MAGI3: variants seen among roughly 807,000 people sequenced by gnomAD.
The protein encoded by MAGI3 is membrane associated guanylate kinase, WW and PDZ domain containing 3, also known as membrane-associated guanylate kinase, WW and PDZ domain-containing protein 3.
In MAGI3, 43 loss-of-function variants were observed where a neutral mutation model predicts 121.8. The observed-to-expected ratio is 0.35, with a 90% CI of 0.28 to 0.46. The LOEUF (loss-of-function observed/expected upper bound fraction) is 0.46, where lower values mean the gene tolerates loss of function less well. MAGI3 is among the 20% of genes least tolerant of loss of function. MAGI3 has a pLI of 1.00. For synonymous variants in MAGI3, 553 were observed against 639.3 expected (o/e 0.86, Z 2.04); for missense variants, 1,547 against 1,797.3 (o/e 0.86, Z 2.52).
intron 1 of MAGI3, among the ~76,000 whole-genome samples, chr1:113,454,083 A>G (rs1166091684): frequency 2.6e-5 from 4 of 152,244 alleles, no homozygotes; most frequent in Non-Finnish European, 4.4e-5. Flanking sequence ...ATCTTCTATT[A>G]GGTTAACAGT....
chr1:113,401,466 T>C (rs1651398337), intron 1 of MAGI3, among the ~76,000 whole-genome samples: 1 of 152,166 alleles, frequency 6.6e-6, no homozygotes, highest in Non-Finnish European at 1.5e-5. Flanking sequence ...AGAAAGTTAG[T>C]ATTCTTGCTA....
chr1:113,515,885 G>A (rs1278541332), intron 1 of MAGI3, among the ~76,000 whole-genome samples: 1 of 152,066 alleles, frequency 6.6e-6, no homozygotes, highest in African/African-American at 2.4e-5. Context: ...TGTGCAGGTT[G>A]TTGAATTGTA....
rs373598839 is a variant in MAGI3, at chr1:113,683,001, G to C, written c.3433G>C (p.Val1145Leu). 1 of 1,613,798 alleles carries C rather than the reference G, an allele frequency of 6.2e-7. No individual in the cohort carries two copies. The highest frequency in any genetic ancestry group is 8.5e-7 in the Non-Finnish European group (1 of 1,179,836). Residue 1145 changes from valine (V) to leucine (L), a missense_variant, in exon 21 of 21, where the codon GTG (valine) becomes CTG (leucine). Physicochemically the swap from Val to Leu is conservative, Grantham distance 32. Coordinates refer to ENST00000307546, the MANE Select transcript of MAGI3 (RefSeq NM_001142782.2). Reference sequence around the variant, plus strand: ...TGCTTCCATATTTGAAGAGTCTCACGTGCCAGTAATTGAAGAATCTTTGAG... The same window carrying C: ...TGCTTCCATATTTGAAGAGTCTCACCTGCCAGTAATTGAAGAATCTTTGAG... ...HFASIFEESH[V>L]PVIEESLRVQ...
At chr1:113,436,043 CAT>C (rs35818543) in intron 1 of MAGI3, among the ~76,000 whole-genome samples, 23,133 of 151,928 alleles carry the variant, frequency 0.15, 2,780 homozygotes, top group East Asian at 0.63. Context: ...TGAATACAAA[CAT>C]GTGCATCTTA....
chr1:113,442,462 G>C lies in MAGI3; in HGVS notation c.316+51113G>C, dbSNP rs1249391381. 2.0e-5 allele frequency among the ~76,000 whole-genome samples: 3 copies of C among 151,972 alleles called. No individual in the cohort carries two copies. In the East Asian group the frequency reaches 5.8e-4, roughly 29 times the overall value. ...CTAGTCTACCATATGTGTTACTGAA[G>C]AATTGGTTTTATTGTGGATAAGTCA... On this transcript the variant is annotated intron_variant, in intron 1 of 20. Transcript: ENST00000307546.
At chr1:113,661,150 G>C (rs1016054635) in intron 16 of MAGI3, among the ~76,000 whole-genome samples, 1 of 152,072 alleles carries the variant, frequency 6.6e-6, no homozygotes, top group African/African-American at 2.4e-5. Context: ...ATCTATTTCA[G>C]TATCATCATC....
At chr1:113,472,568 CTCTT>C (rs1487977967) in intron 1 of MAGI3, among the ~76,000 whole-genome samples, 4 of 151,782 alleles carry the variant, frequency 2.6e-5, no homozygotes, top group African/African-American at 9.7e-5. Context: ...GTTTCCTCCT[CTCTT>C]TCTACCTTCC....
chr1:113,622,659 C>G lies in MAGI3; in HGVS notation c.1172-147C>G, dbSNP rs1650899325. On this transcript the variant is annotated intron_variant, in intron 8 of 20. Coordinates refer to ENST00000307546, the MANE Select transcript of MAGI3 (RefSeq NM_001142782.2). Reference sequence around the variant, plus strand: ...TATCATTTTGACTTCATATAATGGACTCTGGGTTGAAAGTAAGCACAGACA... The same window carrying G: ...TATCATTTTGACTTCATATAATGGAGTCTGGGTTGAAAGTAAGCACAGACA... 4.8e-6 allele frequency: 3 copies of G among 628,994 alleles called. No homozygotes were observed. The East Asian group carries it at 1.0e-4, about 21-fold the overall frequency. 39.0% of individuals were successfully genotyped at this position (628,994 alleles called of 1,614,324 possible).
At chr1:113,646,926 T>C (rs1396250868) in intron 12 of MAGI3, among the ~76,000 whole-genome samples, 1 of 152,048 alleles carries the variant, frequency 6.6e-6, no homozygotes. Context: ...TTATTAGAAC[T>C]AAATGGAAAA....
chr1:113,431,160 A>T, intron 1 of MAGI3, among the ~76,000 whole-genome samples: 1 of 152,122 alleles, frequency 6.6e-6, no homozygotes, highest in East Asian at 1.9e-4. Context: ...ACAAAAAAAT[A>T]AAAAAGCATT....
At chr1:113,540,861 T>A (rs956449520) in intron 1 of MAGI3, among the ~76,000 whole-genome samples, 1 of 152,232 alleles carries the variant, frequency 6.6e-6, no homozygotes, top group African/African-American at 2.4e-5. Flanking sequence ...TGATGGGTTT[T>A]AGTTATACAT....
rs78843847 is a variant in MAGI3, at chr1:113,532,522, C to T, written c.317-16993C>T. Among the ~76,000 whole-genome samples, 778 of 152,066 alleles carry T rather than the reference C, an allele frequency of 5.1e-3. 4 individuals are homozygous for T. The highest frequency in any genetic ancestry group is 0.018 in the African/African-American group (749 of 41,506). ...TTATCACTAACAGCTTTTTAATTGT[C>T]AGTTGTCTTATTTTTTAATGTCTCT... is the stretch of plus-strand genomic sequence containing the variant. On this transcript the variant is annotated intron_variant, in intron 1 of 20. Coordinates refer to ENST00000307546, the MANE Select transcript of MAGI3 (RefSeq NM_001142782.2).
chr1:113,558,586 G>A (rs1045619959), intron 2 of MAGI3, among the ~76,000 whole-genome samples: 3 of 151,810 alleles, frequency 2.0e-5, no homozygotes, highest in Non-Finnish European at 4.4e-5. Context: ...ACGACTGACT[G>A]GGGTACCTGA....
At chr1:113,610,076 C>G (rs542074580) in intron 6 of MAGI3, among the ~76,000 whole-genome samples, 61 of 152,174 alleles carry the variant, frequency 4.0e-4, no homozygotes, top group Non-Finnish European at 7.6e-4. Context: ...ATCTTATAGA[C>G]TCTTTTTAGC....
At chr1:113,440,270 G>A (rs1433840682) in intron 1 of MAGI3, among the ~76,000 whole-genome samples, 1 of 152,104 alleles carries the variant, frequency 6.6e-6, no homozygotes, top group Non-Finnish European at 1.5e-5. Flanking sequence ...TCTTATCATA[G>A]CTACAAGCAA....
intron 15 of MAGI3, among the ~76,000 whole-genome samples, chr1:113,656,707 G>A (rs535253560): frequency 6.6e-6 from 1 of 152,176 alleles, no homozygotes; most frequent in Admixed American, 6.5e-5. Flanking sequence ...ATGAGCCACC[G>A]TGCCCAGCCA....
intron 1 of MAGI3, among the ~76,000 whole-genome samples, chr1:113,448,066 G>A (rs765222594): frequency 2.6e-5 from 4 of 152,048 alleles, no homozygotes; most frequent in African/African-American, 4.8e-5. Context: ...TGTAAATAAT[G>A]GGCAAATAAT....
At chr1:113,403,583 A>C (rs1464811243) in intron 1 of MAGI3, 1 of 152,200 alleles carries the variant, frequency 6.6e-6, no homozygotes, top group Non-Finnish European at 1.5e-5. Context: ...AGCCAACTCC[A>C]TTGCATCACT....
chr1:113,683,294 T>C lies in MAGI3; in HGVS notation c.3726T>C (p.Pro1242=), dbSNP rs771347855. 17 of 1,612,360 alleles carry C rather than the reference T, an allele frequency of 1.1e-5. No individual in the cohort carries two copies. The highest frequency in any genetic ancestry group is 1.4e-5 in the Non-Finnish European group (16 of 1,179,534). The change falls in exon 21 of 21, where the codon CCT becomes CCC. Residue 1242 remains proline, a synonymous_variant. Transcript: ENST00000307546. The part of the protein sequence containing the change: ...SEEHLDKIPS[P]LKNNPKRRPR... Reference sequence around the variant, plus strand: ...AACATTTGGATAAGATTCCTAGTCCTCTAAAAAATAACCCCAAAAGAAGAC... The same window carrying C: ...AACATTTGGATAAGATTCCTAGTCCCCTAAAAAATAACCCCAAAAGAAGAC...
Sources: allele counts gnomAD v4.1 joint callset (sites outside exome capture counted in the v4.1 genomes callset), GRCh38; gene constraint gnomAD v4.1.1; transcripts MANE v1.5; gene names NCBI Gene and HGNC (gene_info 2026-07-23, HGNC 2026-07-21).